CDCA8: variants seen among roughly 807,000 people sequenced by gnomAD.
CDCA8 encodes cell division cycle associated 8.
Under a neutral mutation model 40.0 loss-of-function variants are expected in CDCA8, and 25 were observed. The ratio of observed to expected loss-of-function variants is 0.63; its 90% CI spans 0.46 to 0.87. The LOEUF is 0.87. CDCA8 is among the 40% of genes least tolerant of loss of function. The probability of loss-of-function intolerance (pLI) is 0.00; values close to 1 mark genes in which losing one functional copy is unlikely to be tolerated. For synonymous variants in CDCA8, 111 were observed against 126.5 expected (o/e 0.88, Z 0.82); for missense variants, 280 against 348.4 (o/e 0.80, Z 1.56).
chr1:37,695,493 C>G (rs1402629564), intron 2 of CDCA8, among the ~76,000 whole-genome samples: 4 of 151,552 alleles, frequency 2.6e-5, no homozygotes, highest in African/African-American at 7.3e-5. Context: ...CTTGGGAGGC[C>G]AAGGTGGGAG....
intron 5 of CDCA8, among the ~76,000 whole-genome samples, chr1:37,700,951 C>T (rs1315072313): frequency 6.6e-6 from 1 of 152,216 alleles, no homozygotes; most frequent in Admixed American, 6.5e-5. Flanking sequence ...AAGGAGGAAT[C>T]AGAGACAACT....
At chr1:37,702,673 T>G (rs1036277625) in intron 6 of CDCA8, among the ~76,000 whole-genome samples, 1 of 152,110 alleles carries the variant, frequency 6.6e-6, no homozygotes, top group African/African-American at 2.4e-5. Context: ...ATTCTGAGGC[T>G]GAGTGTGGTG....
intron 7 of CDCA8, among the ~76,000 whole-genome samples, chr1:37,704,926 G>A (rs529598941): frequency 3.3e-4 from 50 of 152,248 alleles, no homozygotes; most frequent in African/African-American, 1.1e-3. Flanking sequence ...GGGATTACAG[G>A]TATGAGCCAC....
intron 8 of CDCA8, among the ~76,000 whole-genome samples, chr1:37,706,269 G>A (rs531578585): frequency 2.0e-5 from 3 of 152,104 alleles, no homozygotes; most frequent in South Asian, 4.2e-4. Flanking sequence ...CACCACACCC[G>A]GCTAATTTTT....
rs568925406 is a variant in CDCA8 at position 37,703,542 on chromosome 1, G to A, written c.584+195G>A. Among the ~76,000 whole-genome samples the A allele has an allele frequency of 1.1e-4, 16 of 152,196 alleles. No homozygotes were observed. In the East Asian group the frequency reaches 2.1e-3, roughly 20 times the overall value. On this transcript the variant is annotated intron_variant, in intron 7 of 9. Coordinates refer to ENST00000373055, the MANE Select transcript of CDCA8 (RefSeq NM_001256875.2). ...ACCAGCCTGGCCAAGATGATGAAAC[G>A]CTGCGTCTACTAAAAATACAAAAAT...
intron 8 of CDCA8, 67 bp downstream of exon 8, chr1:37,705,634 C>A: frequency 1.3e-6 from 2 of 1,573,446 alleles, no homozygotes; most frequent in Non-Finnish European, 1.7e-6. Flanking sequence ...TTTCCCTGGG[C>A]CCTCACCCAC....
chr1:37,692,548 G>GTTTT lies in CDCA8; in HGVS notation c.-142_-139dup. 1.5e-6 allele frequency: 1 copy of GTTTT among 677,782 alleles called. No homozygotes were observed. The allele number at this position is 677,782 out of a possible 1,614,324, so 42.0% of individuals were successfully genotyped here. On this transcript the variant is annotated 5_prime_UTR_variant, in exon 1 of 10. Coordinates refer to ENST00000373055, the MANE Select transcript of CDCA8 (RefSeq NM_001256875.2). The stretch of plus-strand genomic sequence containing the variant: ...CGCTCTCTCTCACTGGCACAGCGAG[G>GTTTT]TTTTGCTCAGCCCTTGTCTCGGGAC...
intron 2 of CDCA8, among the ~76,000 whole-genome samples, 157 bp from the exon 3 acceptor site, chr1:37,695,753 A>T (rs1421925203): frequency 6.6e-6 from 1 of 152,226 alleles, no homozygotes; most frequent in Non-Finnish European, 1.5e-5. Flanking sequence ...AGTCAGTGGC[A>T]CATTTGGGAT....
chr1:37,699,079 T>C, intron 4 of CDCA8, 102 bp downstream of exon 4: 1 of 749,978 alleles, frequency 1.3e-6, no homozygotes, highest in South Asian at 1.5e-5. Context: ...CTCTTCCCTT[T>C]AATGTCTGGT....
At chr1:37,694,169 C>T (rs1172225863) in intron 2 of CDCA8, among the ~76,000 whole-genome samples, 1 of 152,132 alleles carries the variant, frequency 6.6e-6, no homozygotes, top group African/African-American at 2.4e-5. Flanking sequence ...GTTTTCCTGG[C>T]CAGAGAAAAA....
chr1:37,695,741 A>G (rs914481650), intron 2 of CDCA8, among the ~76,000 whole-genome samples, 169 bp from the exon 3 acceptor site: 4 of 152,218 alleles, frequency 2.6e-5, no homozygotes, highest in African/African-American at 9.6e-5. Context: ...ACAAGTCATG[A>G]GAGTCAGTGG....
intron 9 of CDCA8, 65 bp from the exon 10 acceptor site, chr1:37,708,257 G>A: frequency 6.9e-7 from 1 of 1,455,060 alleles, no homozygotes; most frequent in Non-Finnish European, 9.6e-7. Flanking sequence ...GCTGACTGTG[G>A]GAGGCCAAGG....
chr1:37,692,834 C>A (rs749828490), intron 1 of CDCA8, 50 bp downstream of exon 1: 2 of 1,612,554 alleles, frequency 1.2e-6, no homozygotes, highest in Admixed American at 1.7e-5. Context: ...GGGATGCTGG[C>A]GGGTGGGGAC....
At chr1:37,705,860 A>G (rs1410769739) in intron 8 of CDCA8, among the ~76,000 whole-genome samples, 1 of 117,858 alleles carries the variant, frequency 8.5e-6, no homozygotes, top group Non-Finnish European at 1.6e-5. Flanking sequence ...ACCAGGCGGG[A>G]GTGCAGTGGT....
At chr1:37,701,700 C>A in intron 5 of CDCA8, 54 bp from the exon 6 acceptor site, 6 of 1,202,374 alleles carry the variant, frequency 5.0e-6, no homozygotes, top group South Asian at 2.7e-5. Flanking sequence ...CCCTCCTTAC[C>A]TTCCTCTTTG....
intron 2 of CDCA8, 64 bp from the exon 3 acceptor site, chr1:37,695,846 G>A (rs1480745606): frequency 7.0e-7 from 1 of 1,432,108 alleles, no homozygotes; most frequent in Non-Finnish European, 9.8e-7. Context: ...AAAGATAAAT[G>A]GTACTATTAG....
rs2148289538 is a variant in CDCA8, at chr1:37,703,360, G to GGAAA, written c.584+14_584+17dup. ...GGTTTGACTCAAGGTGAGTATCGAG[G>GGAAA]GAAACACTTGGATTTGATGGGACTC... On this transcript the variant is annotated intron_variant, in intron 7 of 9. Transcript: ENST00000373055. 6.3e-7 allele frequency: 1 copy of GGAAA among 1,574,928 alleles called. No homozygotes were observed. The highest frequency in any genetic ancestry group is 2.2e-5 in the East Asian group (1 of 44,708).
At chr1:37,693,296 GT>G (rs1048741677) in intron 2 of CDCA8, among the ~76,000 whole-genome samples, 53 of 152,320 alleles carry the variant, frequency 3.5e-4, no homozygotes, top group Admixed American at 1.8e-3. Context: ...CAAAACAGCT[GT>G]AGTGAATGGG....
At chr1:37,703,150 C>T (rs1039525179) in intron 6 of CDCA8, 102 bp from the exon 7 acceptor site, 16 of 892,030 alleles carry the variant, frequency 1.8e-5, no homozygotes, top group Non-Finnish European at 2.8e-5. Context: ...GCGAGGCGCC[C>T]GGAGCAGTAT....
Sources: gnomAD v4.1 joint callset for allele counts (sites outside exome capture counted in the v4.1 genomes callset) on GRCh38, gnomAD v4.1.1 for gene constraint, MANE v1.5 for transcripts, NCBI Gene and HGNC (gene_info 2026-07-23, HGNC 2026-07-21) for gene names.